Variants in SIPA1L3 observed in about 807,000 individuals in gnomAD.
SIPA1L3 encodes the protein signal induced proliferation associated 1 like 3, also known as signal-induced proliferation-associated 1-like protein 3.
Under a neutral mutation model 150.1 loss-of-function variants are expected in SIPA1L3, and 59 were observed. The ratio of observed to expected loss-of-function variants is 0.39; its 90% CI spans 0.32 to 0.49. The LOEUF (loss-of-function observed/expected upper bound fraction) is 0.49. Ranked by LOEUF, SIPA1L3 falls within the 20% of genes least tolerant of loss-of-function variation. The pLI, the probability that SIPA1L3 is intolerant of heterozygous loss-of-function variation, is 0.86. For missense variants in SIPA1L3, 2,211 were observed against 2,489.5 expected (o/e 0.89, Z 2.38); for synonymous variants, 1,070 against 1,077.6 (o/e 0.99, Z 0.14).
intron 6 of SIPA1L3, among the ~76,000 whole-genome samples, chr19:38,104,343 A>T (rs2145865768): frequency 6.6e-6 from 1 of 152,296 alleles, no homozygotes; most frequent in South Asian, 2.1e-4. Context: ...TCTCGACCTC[A>T]GTTTCCTCAT....
intron 1 of SIPA1L3, among the ~76,000 whole-genome samples, chr19:37,926,623 C>T (rs1020266941): frequency 1.5e-4 from 23 of 152,062 alleles, no homozygotes; most frequent in Admixed American, 9.2e-4. Flanking sequence ...CCTGAGGAGC[C>T]GTGCACCTCC....
intron 1 of SIPA1L3, among the ~76,000 whole-genome samples, chr19:37,978,006 C>T (rs1432741592): frequency 6.6e-6 from 1 of 152,184 alleles, no homozygotes; most frequent in Non-Finnish European, 1.5e-5. Flanking sequence ...CATGTTTGTA[C>T]CTTTAGTCTC....
intron 21 of SIPA1L3, 111 bp from the exon 22 acceptor site, chr19:38,205,986 G>A: frequency 7.8e-7 from 1 of 1,279,376 alleles, no homozygotes; most frequent in East Asian, 2.7e-5. Context: ...TGGCTCTAGT[G>A]GTTGGCTCCA....
chr19:38,178,521 G>A (rs1445830063), intron 15 of SIPA1L3, among the ~76,000 whole-genome samples: 1 of 152,114 alleles, frequency 6.6e-6, no homozygotes, highest in Non-Finnish European at 1.5e-5. Context: ...TGTCGCCCAG[G>A]CTGGAGTGCA....
intron 1 of SIPA1L3, among the ~76,000 whole-genome samples, chr19:37,989,284 G>A (rs1259122010): frequency 6.6e-6 from 1 of 151,068 alleles, no homozygotes. Context: ...CAGTAGCACA[G>A]TCATAGCTCA....
At chr19:37,985,788 TG>T (rs1344218584) in intron 1 of SIPA1L3, among the ~76,000 whole-genome samples, 1 of 151,980 alleles carries the variant, frequency 6.6e-6, no homozygotes, top group Non-Finnish European at 1.5e-5. Context: ...AGAGAGGTGG[TG>T]GGCCCAGAGG....
intron 15 of SIPA1L3, among the ~76,000 whole-genome samples, chr19:38,179,459 A>AT (rs1464827176): frequency 6.6e-6 from 1 of 152,126 alleles, no homozygotes; most frequent in African/African-American, 2.4e-5. Flanking sequence ...AAAAATAAAA[A>AT]ATATATATAA....
At chr19:38,078,242 G>A (rs1969891706) in intron 2 of SIPA1L3, among the ~76,000 whole-genome samples, 1 of 152,008 alleles carries the variant, frequency 6.6e-6, no homozygotes, top group Non-Finnish European at 1.5e-5. Flanking sequence ...TGTTCTCGTG[G>A]GGCACCAGGA....
intron 1 of SIPA1L3, among the ~76,000 whole-genome samples, chr19:37,978,016 C>T (rs1341282689): frequency 6.6e-6 from 1 of 152,182 alleles, no homozygotes; most frequent in Non-Finnish European, 1.5e-5. Flanking sequence ...CCTTTAGTCT[C>T]CAGGATGAGG....
Position 38,206,503 on chromosome 19 carries a change from C to A in SIPA1L3, c.*263C>A. ...GTCCCGGTGAGCTGGGCTGTGCTTA[C>A]ACCGCTCCCGGGCCTGCCCCGCTGT... On this transcript the variant is annotated 3_prime_UTR_variant, in exon 22 of 22. Coordinates refer to ENST00000222345, the MANE Select transcript of SIPA1L3 (RefSeq NM_015073.3). 2.5e-6 allele frequency: 1 copy of A among 404,980 alleles called. No homozygotes were observed. The highest frequency in any genetic ancestry group is 4.2e-5 in the South Asian group (1 of 23,912). 25.1% of individuals were successfully genotyped at this position (404,980 alleles called of 1,614,324 possible). A position where few individuals can be genotyped will look rare whatever the true frequency, so the allele number is the denominator to read the frequency against.
chr19:38,204,282 C>A, intron 21 of SIPA1L3, 74 bp downstream of exon 21: 3 of 1,269,250 alleles, frequency 2.4e-6, no homozygotes. Flanking sequence ...GGATCAGGCA[C>A]CTGCCCCCGC....
In SIPA1L3 at chr19:38,127,243, C is replaced by T. The variant is rs1259642543; in HGVS notation, c.2869-3255C>T. Among the ~76,000 whole-genome samples, 7 of 152,192 alleles carry T rather than the reference C, an allele frequency of 4.6e-5. No homozygotes were observed. The East Asian group carries it at 1.3e-3, about 29-fold the overall frequency. On this transcript the variant is annotated intron_variant, in intron 9 of 21. Transcript: ENST00000222345. ...TTACCATCTACAATAGTTACTGACC[C>T]ATGGCTGATCTTGTTCTTTCTTCCT...
At chr19:38,187,492 T>C (rs1194468066) in intron 16 of SIPA1L3, among the ~76,000 whole-genome samples, 2 of 149,968 alleles carry the variant, frequency 1.3e-5, no homozygotes, top group African/African-American at 2.5e-5. Flanking sequence ...CCGAGGCGGG[T>C]GGATCACGAG....
chr19:38,110,039 T>C (rs1186341411), intron 7 of SIPA1L3, 188 bp from the exon 8 acceptor site: 1 of 605,996 alleles, frequency 1.7e-6, no homozygotes, highest in Non-Finnish European at 3.0e-6. Flanking sequence ...TGGTGAGGCC[T>C]TTGTCCTTTA....
chr19:38,001,415 C>A (rs1357251815), intron 1 of SIPA1L3, among the ~76,000 whole-genome samples: 5 of 152,114 alleles, frequency 3.3e-5, no homozygotes, highest in Non-Finnish European at 7.3e-5. Flanking sequence ...AAAAGAACCA[C>A]ATTTTTTAAA....
At chr19:38,204,653 T>G (rs1244762230) in intron 21 of SIPA1L3, among the ~76,000 whole-genome samples, 3 of 151,862 alleles carry the variant, frequency 2.0e-5, no homozygotes, top group Non-Finnish European at 4.4e-5. Context: ...TAATCCCAGG[T>G]ACTCAGGATG....
chr19:37,910,668 G>T (rs1321543687), intron 1 of SIPA1L3, among the ~76,000 whole-genome samples: 1 of 152,052 alleles, frequency 6.6e-6, no homozygotes, highest in Admixed American at 6.6e-5. Flanking sequence ...GCAGTGGCAC[G>T]ATCTCAGCTC....
intron 1 of SIPA1L3, among the ~76,000 whole-genome samples, chr19:38,014,672 ATT>A (rs11335709): frequency 1.3e-3 from 184 of 139,660 alleles, no homozygotes; most frequent in Admixed American, 1.4e-3. Context: ...CCCCCGGCTA[ATT>A]TTTTTTTTTT....
At chr19:37,946,165 A>AT (rs1555768284) in intron 1 of SIPA1L3, among the ~76,000 whole-genome samples, 11 of 151,908 alleles carry the variant, frequency 7.2e-5, no homozygotes, top group African/African-American at 2.2e-4. Context: ...CAAAAAAAAA[A>AT]AATAATAATA....
Sources: allele counts gnomAD v4.1 joint callset (sites outside exome capture counted in the v4.1 genomes callset), GRCh38; gene constraint gnomAD v4.1.1; transcripts MANE v1.5; gene names NCBI Gene and HGNC (gene_info 2026-07-23, HGNC 2026-07-21).